The following IDS variants were observed in gnomAD, a reference collection of about 807,000 sequenced individuals.
IDS encodes alpha-L-iduronate sulfate sulfatase.
In IDS, 1 loss-of-function variant was observed where a neutral mutation model predicts 33.5. The ratio of observed to expected loss-of-function variants is 0.03; its 90% CI spans 0.01 to 0.14. IDS has a LOEUF of 0.14. IDS is among the 10% of genes least tolerant of loss of function. IDS has a pLI of 1.00. For missense variants in IDS, 328 were observed against 448.0 expected, an observed-to-expected ratio of 0.73 and a Z score of 2.42; for synonymous variants, 191 against 184.4, an observed-to-expected ratio of 1.04 and a Z score of -0.29.
Position 149,481,402 on chromosome X carries a change from T to A in IDS, c.*1344A>T, listed in dbSNP as rs1313110818. On this transcript the variant is annotated 3_prime_UTR_variant, in exon 9 of 9. Transcript: ENST00000340855. ...TTACTGATTTTAATATAATATCTTGTCATTTTTGGCAACAATACACTGAAG... is the reference window on the plus strand; with the variant it reads ...TTACTGATTTTAATATAATATCTTGACATTTTTGGCAACAATACACTGAAG... The A allele has an allele frequency of 2.7e-5, 3 of 112,800 alleles. No individual in the cohort carries two copies. The highest frequency in any genetic ancestry group is 5.6e-5 in the Non-Finnish European group (3 of 53,401). The allele number at this position is 112,800 out of a possible 1,213,427, so 9.3% of individuals were successfully genotyped here. A position where few individuals can be genotyped will look rare whatever the true frequency, so the allele number is the denominator to read the frequency against.
intron 4 of IDS, among the ~76,000 whole-genome samples, chrX:149,499,579 G>C (rs948916554): frequency 1.5e-4 from 17 of 110,892 alleles, no homozygotes; most frequent in African/African-American, 5.6e-4. Context: ...ACTGGTAATG[G>C]GTACAGGGTT....
intron 8 of IDS, among the ~76,000 whole-genome samples, chrX:149,485,101 G>T (rs1354736198): frequency 8.9e-6 from 1 of 112,089 alleles, no homozygotes; most frequent in Non-Finnish European, 1.9e-5. Context: ...TAGGACAACT[G>T]GCCTGGATAC....
At position 149,498,154 on chromosome X, in the gene IDS, G is replaced by A; in HGVS notation, c.661C>T (p.Leu221=). 1 of 1,211,748 alleles carries A rather than the reference G, an allele frequency of 8.3e-7. No individual in the cohort carries two copies. Among genetic ancestry groups the A allele is most frequent in the South Asian group, 1.8e-5 (1 of 56,994 alleles). ...TGTGGCTTATGATACCCAACGGCCA[G>A]GAAGAAAGGACTGGCTGACGTTTTC... ...KMKTSASPFF[L]AVGYHKPHIP... is the part of the protein sequence containing the mutation. The change falls in exon 5 of 9, where the codon CTG becomes TTG. Residue 221 remains leucine, a synonymous_variant. Transcript: ENST00000340855.
intron 6 of IDS, among the ~76,000 whole-genome samples, chrX:149,494,922 T>C (rs1206014430): frequency 6.3e-5 from 7 of 111,616 alleles, no homozygotes; most frequent in Non-Finnish European, 1.9e-5. Context: ...AACCAACAGA[T>C]CCAACCATGG....
intron 7 of IDS, 64 bp from the exon 8 acceptor site, chrX:149,487,162 T>C (rs2089344070): frequency 9.1e-6 from 11 of 1,209,324 alleles, no homozygotes; most frequent in Non-Finnish European, 1.2e-5. Flanking sequence ...CTTGTTTATT[T>C]TAGATACCAT....
chrX:149,488,527 C>T (rs1409721393), intron 7 of IDS, among the ~76,000 whole-genome samples: 1 of 108,824 alleles, frequency 9.2e-6, no homozygotes, highest in East Asian at 2.9e-4. Context: ...GGTACAGCAG[C>T]CAGGCGCTCT....
intron 3 of IDS, among the ~76,000 whole-genome samples, chrX:149,501,851 G>C (rs1044599032): frequency 1.8e-5 from 2 of 111,714 alleles, no homozygotes; most frequent in African/African-American, 6.5e-5. Flanking sequence ...AGCGGGTGGA[G>C]GGCCTATGAA....
At chrX:149,504,441 G>A (rs2089507030) in intron 1 of IDS, 148 bp from the exon 2 acceptor site, 1 of 616,184 alleles carries the variant, frequency 1.6e-6, no homozygotes, top group Admixed American at 2.9e-5. Flanking sequence ...CAGCAAGGGT[G>A]GGAGTGGGGC....
chrX:149,491,844 G>T (rs973387492), intron 6 of IDS, among the ~76,000 whole-genome samples: 2 of 112,262 alleles, frequency 1.8e-5, no homozygotes, highest in Non-Finnish European at 3.8e-5. Context: ...TATCAGTGAG[G>T]CCTGCTGGGT....
intron 6 of IDS, among the ~76,000 whole-genome samples, chrX:149,492,504 A>G (rs1326285249): frequency 9.0e-6 from 1 of 111,496 alleles, no homozygotes; most frequent in Non-Finnish European, 1.9e-5. Context: ...CTGGAGAATC[A>G]AATGGGAGGG....
At chrX:149,485,416 G>C (rs1388159604) in intron 8 of IDS, among the ~76,000 whole-genome samples, 1 of 112,337 alleles carries the variant, frequency 8.9e-6, no homozygotes, top group African/African-American at 3.2e-5. Flanking sequence ...TGAATGGAGT[G>C]TGACAGGCTT....
At chrX:149,494,392 T>C (rs1216152509) in intron 6 of IDS, among the ~76,000 whole-genome samples, 1 of 111,224 alleles carries the variant, frequency 9.0e-6, no homozygotes, top group East Asian at 2.8e-4. Context: ...GGAGAAGAGG[T>C]TGTGGTCAGT....
Position 149,498,194 on chromosome X carries a change from C to T in IDS, c.621G>A (p.Gln207=). ...CTGACGTTTTCATCTTTTCCAACAACTGTATGGCTTGCTCAGTGCTCTGTT... is the reference window on the plus strand; with the variant it reads ...CTGACGTTTTCATCTTTTCCAACAATTGTATGGCTTGCTCAGTGCTCTGTT... ...PDKQSTEQAI[Q]LLEKMKTSAS... is the part of the protein sequence containing the mutation. The change falls in exon 5 of 9, where the codon CAG becomes CAA. Residue 207 remains glutamine, a synonymous_variant. Transcript: ENST00000340855. 8.3e-7 allele frequency: 1 copy of T among 1,211,894 alleles called. No homozygotes were observed. The highest frequency in any genetic ancestry group is 1.1e-6 in the Non-Finnish European group (1 of 895,284).
At chrX:149,487,401 C>T (rs1423330590) in intron 7 of IDS, 4 of 684,139 alleles carry the variant, frequency 5.8e-6, no homozygotes, top group Non-Finnish European at 9.3e-6. Context: ...GACTCTGTGG[C>T]GGTTCCCACA....
intron 7 of IDS, among the ~76,000 whole-genome samples, chrX:149,488,615 C>A (rs1557338401): frequency 9.3e-6 from 1 of 107,486 alleles, no homozygotes; most frequent in Non-Finnish European, 1.9e-5. Context: ...GCAGAGGGGG[C>A]CCCCAGGCCT....
chrX:149,490,002 C>T (rs2089375136), intron 7 of IDS, among the ~76,000 whole-genome samples: 1 of 108,809 alleles, frequency 9.2e-6, no homozygotes, highest in African/African-American at 3.4e-5. Flanking sequence ...CTCCAACCCT[C>T]CAGGTTAAAA....
At position 149,480,253 on chromosome X, in the gene IDS, G is replaced by A; in HGVS notation, c.*2493C>T. The A allele has an allele frequency of 3.4e-6, 1 of 297,006 alleles. No homozygotes were observed. The highest frequency in any genetic ancestry group is 5.9e-6 in the Non-Finnish European group (1 of 170,187). The allele number at this position is 297,006 out of a possible 1,213,427, so 24.5% of individuals were successfully genotyped here. On this transcript the variant is annotated 3_prime_UTR_variant, in exon 9 of 9. Coordinates refer to ENST00000340855, the MANE Select transcript of IDS (RefSeq NM_000202.8). The stretch of plus-strand genomic sequence containing the variant: ...AGACACGTGGATTATTTTAGGGACA[G>A]GGGAGGAAAGAGGAGGGGTGGGTAA...
In IDS at chrX:149,482,486, T is replaced by TA; in HGVS notation, c.*259dup. The TA allele has an allele frequency of 2.6e-6, 1 of 379,055 alleles. No individual in the cohort carries two copies. The highest frequency in any genetic ancestry group is 4.5e-6 in the Non-Finnish European group (1 of 220,898). 31.2% of individuals were successfully genotyped at this position (379,055 alleles called of 1,213,427 possible). A position where few individuals can be genotyped will look rare whatever the true frequency, so the allele number is the denominator to read the frequency against. On this transcript the variant is annotated 3_prime_UTR_variant, in exon 9 of 9. Transcript: ENST00000340855. ...GTTTGTTTGCTTTGTATTTATTCAG[T>TA]AAATAAGCCGTAACTGTTTTAAAAA...
intron 8 of IDS, among the ~76,000 whole-genome samples, chrX:149,484,561 C>T (rs1168305184): frequency 1.8e-5 from 2 of 112,743 alleles, no homozygotes; most frequent in Non-Finnish European, 3.8e-5. Flanking sequence ...ACCTCGTGAT[C>T]CGCCCACCTT....
Sources: allele counts gnomAD v4.1 joint callset (sites outside exome capture counted in the v4.1 genomes callset), GRCh38; gene constraint gnomAD v4.1.1; transcripts MANE v1.5; gene names NCBI Gene and HGNC (gene_info 2026-07-23, HGNC 2026-07-21).